Variants in CAST observed in about 807,000 individuals in gnomAD.
CAST encodes MIR583 host.
A neutral mutation model predicts 119.6 loss-of-function variants in CAST; 76 were observed. That is an observed-to-expected ratio of 0.64 (90% CI 0.53 to 0.77). CAST has a LOEUF of 0.77. Among genes scored for constraint, CAST ranks in the 30% least tolerant of loss-of-function variants. CAST has a pLI of 0.00. For missense variants in CAST, 953 were observed against 946.5 expected (o/e 1.01, Z -0.09); for synonymous variants, 319 against 331.6 (o/e 0.96, Z 0.41).
chr5:96,661,760 A>G (rs896389133), upstream of CAST, among the ~76,000 whole-genome samples: 2 of 152,256 alleles, frequency 1.3e-5, no homozygotes, highest in Admixed American at 6.5e-5. Context: ...TCCGTTTTGC[A>G]TTGGAACCTA....
the CAST span, among the ~76,000 whole-genome samples, chr5:96,164,053 C>CTTCAA: frequency 6.6e-6 from 1 of 152,122 alleles, no homozygotes; most frequent in Non-Finnish European, 1.5e-5. Flanking sequence ...AACACTGAGA[C>CTTCAA]TAGTGCCTGA....
At chr5:96,214,530 A>G in the CAST span, among the ~76,000 whole-genome samples, 1 of 152,226 alleles carries the variant, frequency 6.6e-6, no homozygotes, top group Admixed American at 6.5e-5. Context: ...ATGAATTGCA[A>G]AATAAAGACT....
chr5:96,571,295 A>T (rs1256184170), intron 1 of CAST, among the ~76,000 whole-genome samples: 1 of 152,188 alleles, frequency 6.6e-6, no homozygotes, highest in Admixed American at 6.5e-5. Flanking sequence ...GGTGCTTTTA[A>T]AAAACACCAC....
the CAST span, among the ~76,000 whole-genome samples, chr5:96,199,768 G>A: frequency 3.1e-3 from 476 of 152,246 alleles, 5 homozygotes; most frequent in African/African-American, 0.011. Flanking sequence ...GAGCAGGGAT[G>A]GGATGGGGTC....
intron 11 of CAST, among the ~76,000 whole-genome samples, chr5:96,738,283 C>A (rs1762041531): frequency 2.0e-5 from 3 of 152,114 alleles, no homozygotes; most frequent in South Asian, 4.1e-4. Flanking sequence ...GATCGCACCA[C>A]TGCACTCCAG....
At chr5:96,366,901 G>A in the CAST span, among the ~76,000 whole-genome samples, 6 of 152,268 alleles carry the variant, frequency 3.9e-5, no homozygotes, top group East Asian at 1.9e-4. Context: ...GGGGAGAGGC[G>A]CTCTGATTTT....
At chr5:95,982,822 CATT>C in the CAST span, among the ~76,000 whole-genome samples, 1 of 152,106 alleles carries the variant, frequency 6.6e-6, no homozygotes, top group African/African-American at 2.4e-5. Flanking sequence ...CCTAATTTTA[CATT>C]AGTAGTAGGA....
chr5:96,471,786 G>GTGTGTGTGTT, the CAST span, among the ~76,000 whole-genome samples: 2,095 of 149,510 alleles, frequency 0.014, 37 homozygotes, highest in African/African-American at 0.039. Flanking sequence ...GTGTGTGTGT[G>GTGTGTGTGTT]TGTGTGTGTG....
At position 96,770,514 on chromosome 5, in the gene CAST, C is replaced by G. The variant is rs572305303; in HGVS notation, c.2269-17C>G. On this transcript the variant is annotated splice_polypyrimidine_tract_variant and intron_variant, in intron 29 of 31. Coordinates refer to ENST00000675179, the MANE Select transcript of CAST (RefSeq NM_001750.7). ...ATTGGTGATAGCCATAGCCTCATTA[C>G]ATTTCCTTTGCTTTAGGATAAGTGC... 5.0e-6 allele frequency: 8 copies of G among 1,585,990 alleles called. No homozygotes were observed. In the East Asian group the frequency reaches 1.8e-4, roughly 35 times the overall value.
At chr5:96,497,489 T>C in the CAST span, among the ~76,000 whole-genome samples, 1 of 151,846 alleles carries the variant, frequency 6.6e-6, no homozygotes, top group Non-Finnish European at 1.5e-5. Flanking sequence ...AGTGTAAAAG[T>C]GTTCCTATTT....
At chr5:96,035,217 GTA>G in the CAST span, among the ~76,000 whole-genome samples, 1 of 143,876 alleles carries the variant, frequency 7.0e-6, no homozygotes, top group African/African-American at 2.5e-5. Flanking sequence ...ATATATTTAA[GTA>G]TATATATATA....
At chr5:96,123,221 C>T in the CAST span, among the ~76,000 whole-genome samples, 2 of 152,068 alleles carry the variant, frequency 1.3e-5, no homozygotes, top group Non-Finnish European at 1.5e-5. Flanking sequence ...ATTTGAATGA[C>T]TTTAAGAGAA....
intron 1 of CAST, among the ~76,000 whole-genome samples, chr5:96,628,532 G>C (rs1053989935): frequency 6.6e-6 from 1 of 152,140 alleles, no homozygotes; most frequent in African/African-American, 2.4e-5. Flanking sequence ...GAATCTGGGG[G>C]GCTGGGTGAC....
chr5:96,378,955 C>A, the CAST span, among the ~76,000 whole-genome samples: 4 of 152,138 alleles, frequency 2.6e-5, no homozygotes, highest in Admixed American at 1.3e-4. Context: ...CAAATAATTT[C>A]TTGTATTATA....
At chr5:96,260,315 C>G in the CAST span, among the ~76,000 whole-genome samples, 3 of 152,296 alleles carry the variant, frequency 2.0e-5, no homozygotes, top group East Asian at 5.8e-4. Context: ...ATTTCTCTAG[C>G]AGCTGTTGGA....
the CAST span, among the ~76,000 whole-genome samples, chr5:96,471,234 A>G: frequency 6.6e-6 from 1 of 152,138 alleles, no homozygotes; most frequent in Admixed American, 6.6e-5. Flanking sequence ...TAAAATATTT[A>G]CCAAAATGTT....
In CAST at chr5:96,636,109, T is replaced by C. The variant is rs533158307; in HGVS notation, c.61-39430T>C. On this transcript the variant is annotated intron_variant, in intron 1 of 11. Transcript: ENST00000505143. Reference sequence around the variant, plus strand: ...GATAGTACCAACCTCATAAGTTTGCTGTGTGGGAATTATAAAAAGTACTCC... The same window carrying C: ...GATAGTACCAACCTCATAAGTTTGCCGTGTGGGAATTATAAAAAGTACTCC... Among the ~76,000 whole-genome samples the C allele has an allele frequency of 8.8e-4, 134 of 152,334 alleles. 1 individual carries two copies. The highest frequency in any genetic ancestry group is 3.1e-3 in the African/African-American group (129 of 41,578).
At chr5:96,657,511 C>A (rs1748180867), upstream of CAST, among the ~76,000 whole-genome samples, 1 of 152,116 alleles carries the variant, frequency 6.6e-6, no homozygotes, top group Admixed American at 6.5e-5. Context: ...GATTCAAAAT[C>A]TTCAATATGA....
chr5:96,591,132 T>C (rs529390000), intron 1 of CAST, among the ~76,000 whole-genome samples: 1 of 152,302 alleles, frequency 6.6e-6, no homozygotes, highest in Admixed American at 6.5e-5. Context: ...ACCAATCCCA[T>C]AGTTCTCAGA....
Sources: allele counts gnomAD v4.1 joint callset (sites outside exome capture counted in the v4.1 genomes callset), GRCh38; gene constraint gnomAD v4.1.1; transcripts MANE v1.5; gene names NCBI Gene and HGNC (gene_info 2026-07-23, HGNC 2026-07-21).